Variants in MCM7 observed in about 807,000 individuals in gnomAD.
MCM7 encodes the protein DNA replication licensing factor MCM7.
Under a neutral mutation model 83.5 loss-of-function variants are expected in MCM7, and 95 were observed. That is an observed-to-expected ratio of 1.14 (90% CI 0.96 to 1.35). MCM7 has a LOEUF of 1.35. Among genes scored for constraint, MCM7 ranks in the 40% most tolerant of loss-of-function variants. The probability of loss-of-function intolerance (pLI) is 0.00; values close to 1 mark genes in which losing one functional copy is unlikely to be tolerated. For synonymous variants in MCM7, 461 were observed against 352.7 expected, an observed-to-expected ratio of 1.31 and a Z score of -3.44; for missense variants, 1,087 against 957.4, an observed-to-expected ratio of 1.14 and a Z score of -1.79.
chr7:100,095,733 C>T, intron 11 of MCM7, 41 bp downstream of exon 11: 1 of 1,532,748 alleles, frequency 6.5e-7, no homozygotes, highest in Non-Finnish European at 8.7e-7. Flanking sequence ...CTACACAGAT[C>T]ATTACAGGGG....
Position 100,101,341 on chromosome 7 carries a change from G to C in MCM7, c.-47C>G, listed in dbSNP as rs771176295. The C allele has an allele frequency of 2.5e-6, 4 of 1,611,310 alleles. No individual in the cohort carries two copies. The highest frequency in any genetic ancestry group is 1.3e-5 in the African/African-American group (1 of 75,036). ...CGCGCTTGGCGGGCTCAGAGGTCTTGCTCCTGGGGAAGCTGAGAATCTCCG... is the reference window on the plus strand; with the variant it reads ...CGCGCTTGGCGGGCTCAGAGGTCTTCCTCCTGGGGAAGCTGAGAATCTCCG... On this transcript the variant is annotated 5_prime_UTR_variant, in exon 1 of 15. Transcript: ENST00000303887.
At chr7:100,100,497 ACCCCCGCTCCCG>A in intron 1 of MCM7, 1 of 982,288 alleles carries the variant, frequency 1.0e-6, no homozygotes, top group Non-Finnish European at 1.2e-6. Context: ...ACCGCACCCC[ACCCCCGCTCCCG>A]CCATCGCTTC....
Position 100,095,588 on chromosome 7 carries a change from C to T in MCM7, c.1596-118G>A, listed in dbSNP as rs116794737. The T allele has an allele frequency of 8.6e-4, 1,118 of 1,304,106 alleles. 7 individuals are homozygous for T. In the African/African-American group the frequency reaches 0.011, roughly 13 times the overall value. 80.8% of individuals were successfully genotyped at this position (1,304,106 alleles called of 1,614,324 possible). On this transcript the variant is annotated intron_variant, in intron 11 of 14. Transcript: ENST00000303887. Reference sequence around the variant, plus strand: ...ACAGTGTAGGAGGGACAAGCTTTCCCGGGAAATCCTCATCAGCATTTCAGC... The same window carrying T: ...ACAGTGTAGGAGGGACAAGCTTTCCTGGGAAATCCTCATCAGCATTTCAGC...
intron 6 of MCM7, 108 bp downstream of exon 6, chr7:100,098,470 C>T: frequency 6.5e-7 from 1 of 1,546,460 alleles, no homozygotes; most frequent in Non-Finnish European, 8.8e-7. Flanking sequence ...CACCTCCCTC[C>T]TGCACTTCCC....
rs983730565 is a variant in MCM7 at position 100,098,200 on chromosome 7, C to T, written c.811G>A (p.Val271Ile). 9 of 1,614,028 alleles carry T rather than the reference C, an allele frequency of 5.6e-6. No individual in the cohort carries two copies. The highest frequency in any genetic ancestry group is 4.0e-5 in the African/African-American group (3 of 74,920). The stretch of plus-strand genomic sequence containing the variant: ...GGCAAGAAAATACCAGTGACGCTGA[C>T]GTGGTCTCCAGGCTGGGCAATCCTT... The part of the protein sequence containing the change: ...NTRIAQPGDH[V>I]SVTGIFLPIL... Residue 271 changes from valine to isoleucine, a missense_variant, in exon 7 of 15, where the codon GTC becomes ATC. Physicochemically the swap from Val to Ile is conservative, Grantham distance 29. Coordinates refer to ENST00000303887, the MANE Select transcript of MCM7 (RefSeq NM_005916.5).
Position 100,097,359 on chromosome 7 carries a change from C to T in MCM7, c.1143G>A (p.Gly381=). 1 of 1,614,174 alleles carries T rather than the reference C, an allele frequency of 6.2e-7. No homozygotes were observed. Among genetic ancestry groups the T allele is most frequent in the Non-Finnish European group, 8.5e-7 (1 of 1,180,026 alleles). The part of the protein sequence containing the change: ...IRGNINICLM[G]DPGVAKSQLL... ...GCTGAGACTTGGCCACACCAGGATCCCCCATCAGACAGATGTTGATGTTGC... is the reference window on the plus strand; with the variant it reads ...GCTGAGACTTGGCCACACCAGGATCTCCCATCAGACAGATGTTGATGTTGC... Residue 381 remains glycine (G), a synonymous_variant, in exon 10 of 15, where the codon GGG becomes GGA. Coordinates refer to ENST00000303887, the MANE Select transcript of MCM7 (RefSeq NM_005916.5).
chr7:100,093,117 C>G lies in MCM7; in HGVS notation c.1975G>C (p.Asp659His). The change falls in exon 15 of 15, where the codon GAT (aspartate) becomes CAT (histidine). Residue 659 changes from aspartate to histidine, a missense_variant. Asp to His is a moderately conservative substitution (Grantham distance 81). Coordinates refer to ENST00000303887, the MANE Select transcript of MCM7 (RefSeq NM_005916.5). ...TCACGGACGGTGGCAAATATCACAT[C>G]TGCTGGTCTCTGAGTCCTGAAGGAA... Reference protein sequence around the residue: ...GQTARTQRPADVIFATVRELV... With the variant: ...GQTARTQRPAHVIFATVRELV... 1 of 1,613,948 alleles carries G rather than the reference C, an allele frequency of 6.2e-7. No homozygotes were observed. The highest frequency in any genetic ancestry group is 8.5e-7 in the Non-Finnish European group (1 of 1,179,898).
In MCM7 at chr7:100,101,124, G is replaced by T. The variant is rs564021817; in HGVS notation, c.31+140C>A. The T allele has an allele frequency of 5.6e-6, 6 of 1,075,366 alleles. No homozygotes were observed. In the Admixed American group the frequency reaches 6.4e-5, roughly 12 times the overall value. The allele number at this position is 1,075,366 out of a possible 1,614,324, so 66.6% of individuals were successfully genotyped here. On this transcript the variant is annotated intron_variant, in intron 1 of 14. Transcript: ENST00000303887. ...CCCAGGCCCCGTGGGCCTTAGCCAGGCCGCAGCTCGACCCTGCCTCTGGCC... is the reference window on the plus strand; with the variant it reads ...CCCAGGCCCCGTGGGCCTTAGCCAGTCCGCAGCTCGACCCTGCCTCTGGCC...
At position 100,097,869 on chromosome 7, in the gene MCM7, C is replaced by T. The variant is rs769987503; in HGVS notation, c.950G>A (p.Gly317Glu). 1 of 1,614,208 alleles carries T rather than the reference C, an allele frequency of 6.2e-7. No individual in the cohort carries two copies. The highest frequency in any genetic ancestry group is 8.5e-7 in the Non-Finnish European group (1 of 1,180,036). ...NKSEDDESGA[G>E]ELTREELRQI... ...CCTCAGCTCCTCCCTGGTGAGCTCT[C>T]CAGCCCCAGACTCATCATCCTCACT... The change falls in exon 8 of 15, where the codon GGA becomes GAA. Residue 317 changes from glycine (G) to glutamate (E), a missense_variant. Transcript: ENST00000303887.
At chr7:100,096,214 G>T in intron 10 of MCM7, 47 bp from the exon 11 acceptor site, 1 of 1,514,726 alleles carries the variant, frequency 6.6e-7, no homozygotes, top group South Asian at 1.3e-5. Context: ...GAACAAGAAA[G>T]AGAACAAGCA....
intron 1 of MCM7, chr7:100,100,719 C>A (rs923870998): frequency 2.0e-6 from 2 of 988,938 alleles, no homozygotes; most frequent in African/African-American, 1.7e-5. Context: ...CAGCTCTCTC[C>A]GCGGCCGCCG....
intron 12 of MCM7, among the ~76,000 whole-genome samples, 156 bp downstream of exon 12, chr7:100,095,231 G>A (rs768501908): frequency 6.6e-6 from 1 of 152,228 alleles, no homozygotes; most frequent in Non-Finnish European, 1.5e-5. Flanking sequence ...TATGAAGTGT[G>A]GAATTTTCCA....
rs972022463 is a variant in MCM7 at position 100,096,265 on chromosome 7, G to T, written c.1202-98C>A. The T allele has an allele frequency of 4.8e-6, 6 of 1,238,816 alleles. No individual in the cohort carries two copies. In the African/African-American group the frequency reaches 6.0e-5, roughly 12 times the overall value. 76.7% of individuals were successfully genotyped at this position (1,238,816 alleles called of 1,614,324 possible). A position where few individuals can be genotyped will look rare whatever the true frequency, so the allele number is the denominator to read the frequency against. On this transcript the variant is annotated intron_variant, in intron 10 of 14. Coordinates refer to ENST00000303887, the MANE Select transcript of MCM7 (RefSeq NM_005916.5). ...GCCAGGGAGGCGAGGCCTGCGCTGG[G>T]ATCATTCCACTCCCTCCACCAGGCC...
In MCM7 at chr7:100,097,604, T is replaced by A. The variant is rs775889335; in HGVS notation, c.1117+10A>T. The A allele has an allele frequency of 2.5e-6, 4 of 1,613,346 alleles. No homozygotes were observed. In the Admixed American group the frequency reaches 6.7e-5, roughly 27 times the overall value. The stretch of plus-strand genomic sequence containing the variant: ...CATCCACCCTGAGCCTCTCCCTTGT[T>A]TCTTCTTACCCCGGATTTTCATGCC... On this transcript the variant is annotated intron_variant, in intron 9 of 14. Coordinates refer to ENST00000303887, the MANE Select transcript of MCM7 (RefSeq NM_005916.5).
chr7:100,099,434 A>AAAAAAAAAAAC, intron 3 of MCM7, 31 bp from the exon 4 acceptor site: 1 of 1,584,080 alleles, frequency 6.3e-7, no homozygotes, highest in Non-Finnish European at 8.6e-7. Context: ...AAAAAAAAAA[A>AAAAAAAAAAAC]AAGAGCAACA....
chr7:100,099,122 TA>T lies in MCM7; in HGVS notation c.482del (p.Val161GlufsTer43). 1 of 1,614,130 alleles carries T rather than the reference TA, an allele frequency of 6.2e-7. No homozygotes were observed. The highest frequency in any genetic ancestry group is 8.5e-7 in the Non-Finnish European group (1 of 1,180,032). The stretch of plus-strand genomic sequence containing the variant: ...CACGAGTGACGATTCCACGCACAGT[TA>T]CCAACTTCCCCACAGAGTCAGCCCG... The part of the protein sequence containing the change: ...EVRADSVGKL[V>X]TVRGIVTRVS... On this transcript the variant is annotated frameshift_variant, in exon 5 of 15. Transcript: ENST00000303887. LOFTEE classifies it high-confidence loss of function.
chr7:100,092,896 G>GAACAAGA lies in MCM7; in HGVS notation c.*29_*35dup, dbSNP rs1795386881. 6.2e-7 allele frequency: 1 copy of GAACAAGA among 1,612,794 alleles called. No individual in the cohort carries two copies. Among genetic ancestry groups the GAACAAGA allele is most frequent in the Non-Finnish European group, 8.5e-7 (1 of 1,178,858 alleles). On this transcript the variant is annotated 3_prime_UTR_variant, in exon 15 of 15. Coordinates refer to ENST00000303887, the MANE Select transcript of MCM7 (RefSeq NM_005916.5). ...CCTTCCCAAGGGGCAGGCCAGCAGG[G>GAACAAGA]AACAAGAGGACCCCAGGGTTGCAAG... is the stretch of plus-strand genomic sequence containing the variant.
At position 100,098,517 on chromosome 7, in the gene MCM7, G is replaced by A. The variant is rs772432097; in HGVS notation, c.720+61C>T. The A allele has an allele frequency of 2.0e-4, 326 of 1,602,136 alleles. 1 individual carries two copies. Among genetic ancestry groups the A allele is most frequent in the Non-Finnish European group, 2.6e-4 (309 of 1,170,782 alleles). On this transcript the variant is annotated intron_variant, in intron 6 of 14. Coordinates refer to ENST00000303887, the MANE Select transcript of MCM7 (RefSeq NM_005916.5). ...TCTTTCTTCCTGCCATTCCACAAGT[G>A]ACTACAGGATTCAAGTGGACTCCCG...
In MCM7 at chr7:100,092,810, A is replaced by T; in HGVS notation, c.*122T>A. On this transcript the variant is annotated 3_prime_UTR_variant, in exon 15 of 15. Transcript: ENST00000303887. ...ATCTACAAACACTTTTATTAGCAAA[A>T]GGAGTAAGTGCAGCATGGGAGAAAG... 7 of 983,830 alleles carry T rather than the reference A, an allele frequency of 7.1e-6. 1 individual carries two copies. The South Asian group carries it at 1.1e-4, about 15-fold the overall frequency. The allele number at this position is 983,830 out of a possible 1,614,324, so 60.9% of individuals were successfully genotyped here.
Sources: allele counts gnomAD v4.1 joint callset (sites outside exome capture counted in the v4.1 genomes callset), GRCh38; gene constraint gnomAD v4.1.1; transcripts MANE v1.5; gene names NCBI Gene and HGNC (gene_info 2026-07-23, HGNC 2026-07-21).